Variants in MZT1 observed in about 807,000 individuals in gnomAD.
MZT1 encodes the protein mitotic spindle organizing protein 1.
Under a neutral mutation model 8.5 loss-of-function variants are expected in MZT1, and 8 were observed. The observed-to-expected ratio is 0.94, with a 90% CI of 0.55 to 1.70. MZT1 has a LOEUF of 1.70. Among genes scored for constraint, MZT1 ranks in the 40% most tolerant of loss-of-function variants. The probability of loss-of-function intolerance (pLI) is 0.00; values close to 1 mark genes in which losing one functional copy is unlikely to be tolerated. For synonymous variants in MZT1, 38 were observed against 42.0 expected, an observed-to-expected ratio of 0.90 and a Z score of 0.37; for missense variants, 93 against 108.6, an observed-to-expected ratio of 0.86 and a Z score of 0.64.
chr13:72,725,898 TAC>T (rs1281885730), intron 1 of MZT1, among the ~76,000 whole-genome samples: 1 of 152,156 alleles, frequency 6.6e-6, no homozygotes, highest in Non-Finnish European at 1.5e-5. Context: ...TATATTTATA[TAC>T]ACACACATAT....
intron 2 of MZT1, among the ~76,000 whole-genome samples, chr13:72,711,170 GAAA>G (rs1474031429): frequency 6.6e-6 from 1 of 152,142 alleles, no homozygotes; most frequent in Non-Finnish European, 1.5e-5. Context: ...GAAGATACAG[GAAA>G]GTAGGTTTTG....
At chr13:72,724,921 G>A (rs565621316) in intron 1 of MZT1, among the ~76,000 whole-genome samples, 4 of 148,306 alleles carry the variant, frequency 2.7e-5, no homozygotes, top group South Asian at 4.3e-4. Context: ...GCGTGGTGGC[G>A]GGCGCCTATA....
intron 2 of MZT1, among the ~76,000 whole-genome samples, chr13:72,717,842 AACATTC>A (rs376593493): frequency 6.6e-6 from 1 of 152,290 alleles, no homozygotes; most frequent in East Asian, 1.9e-4. Context: ...GAATTGCCTC[AACATTC>A]ACAGTTCTAC....
chr13:72,714,255 A>G (rs1331613211), intron 2 of MZT1, among the ~76,000 whole-genome samples: 1 of 152,212 alleles, frequency 6.6e-6, no homozygotes, highest in Non-Finnish European at 1.5e-5. Flanking sequence ...GAAATTTCTA[A>G]GCAGCCAAGT....
At chr13:72,715,371 G>A (rs2032525030) in intron 2 of MZT1, among the ~76,000 whole-genome samples, 1 of 152,158 alleles carries the variant, frequency 6.6e-6, no homozygotes, top group Non-Finnish European at 1.5e-5. Flanking sequence ...GCTCATAGGT[G>A]GAAGGGACTT....
intron 2 of MZT1, among the ~76,000 whole-genome samples, chr13:72,717,017 T>C (rs2032542123): frequency 6.6e-6 from 1 of 152,196 alleles, no homozygotes; most frequent in East Asian, 1.9e-4. Flanking sequence ...TGGCAGTGTT[T>C]GTGTTGAGAT....
At chr13:72,720,859 G>T (rs1436119025) in intron 1 of MZT1, among the ~76,000 whole-genome samples, 1 of 152,054 alleles carries the variant, frequency 6.6e-6, no homozygotes, top group Non-Finnish European at 1.5e-5. Context: ...TTGCACTCCA[G>T]CCTGGGCAAC....
intron 1 of MZT1, among the ~76,000 whole-genome samples, chr13:72,724,537 G>A (rs1019655281): frequency 7.9e-6 from 1 of 125,900 alleles, no homozygotes; most frequent in Non-Finnish European, 1.7e-5. Context: ...TCTCTATAAC[G>A]TGTTTTTTTT....
At chr13:72,727,466 C>T in intron 1 of MZT1, 58 bp downstream of exon 1, 1 of 1,562,488 alleles carries the variant, frequency 6.4e-7, no homozygotes, top group Non-Finnish European at 8.8e-7. Flanking sequence ...TCATTCCCGC[C>T]TGGGGGCCTT....
intron 2 of MZT1, among the ~76,000 whole-genome samples, chr13:72,713,365 A>T (rs552960018): frequency 1.3e-5 from 2 of 152,218 alleles, no homozygotes; most frequent in South Asian, 2.1e-4. Context: ...ATCCATGGTG[A>T]ATTGTTAGTT....
chr13:72,713,769 T>C (rs552923832), intron 2 of MZT1, among the ~76,000 whole-genome samples: 187 of 152,222 alleles, frequency 1.2e-3, no homozygotes, highest in African/African-American at 4.3e-3. Flanking sequence ...TTCCTTTGAG[T>C]GTCATGTTGG....
At chr13:72,720,735 A>G (rs1184016690) in intron 1 of MZT1, among the ~76,000 whole-genome samples, 2 of 152,132 alleles carry the variant, frequency 1.3e-5, no homozygotes, top group Non-Finnish European at 2.9e-5. Flanking sequence ...CTAAAAATAC[A>G]AAATTAGCCA....
chr13:72,720,437 A>C (rs1035172223), intron 1 of MZT1, among the ~76,000 whole-genome samples: 4 of 152,220 alleles, frequency 2.6e-5, no homozygotes, highest in Non-Finnish European at 4.4e-5. Context: ...CTGTATAAAA[A>C]CTACATTATT....
At chr13:72,726,227 C>T (rs1310083306) in intron 1 of MZT1, among the ~76,000 whole-genome samples, 1 of 152,036 alleles carries the variant, frequency 6.6e-6, no homozygotes, top group African/African-American at 2.4e-5. Flanking sequence ...GTCAGGAGTT[C>T]GAGACCAACC....
intron 1 of MZT1, among the ~76,000 whole-genome samples, chr13:72,720,479 T>G (rs530469584): frequency 6.6e-6 from 1 of 152,346 alleles, no homozygotes; most frequent in Admixed American, 6.5e-5. Context: ...TTATCAATAT[T>G]TAGTCACCCA....
At position 72,710,151 on chromosome 13, in the gene MZT1, T is replaced by C. The variant is rs2032474415; in HGVS notation, c.*171A>G. On this transcript the variant is annotated 3_prime_UTR_variant, in exon 3 of 3. Transcript: ENST00000377818. ...TGTAAACACATCTGATAGTTCTCTC[T>C]GTAAGCCACTTTCCACTGATTTATA... is the stretch of plus-strand genomic sequence containing the variant. The C allele has an allele frequency of 1.6e-6, 1 of 629,390 alleles. No homozygotes were observed. Among genetic ancestry groups the C allele is most frequent in the African/African-American group, 1.9e-5 (1 of 53,688 alleles). 39.0% of individuals were successfully genotyped at this position (629,390 alleles called of 1,614,324 possible).
chr13:72,709,313 C>T lies in MZT1; in HGVS notation c.*1009G>A, dbSNP rs2032464353. 1 of 151,876 alleles carries T rather than the reference C, an allele frequency of 6.6e-6. No individual in the cohort carries two copies. Among genetic ancestry groups the T allele is most frequent in the East Asian group, 1.9e-4 (1 of 5,164 alleles). 9.4% of individuals were successfully genotyped at this position (151,876 alleles called of 1,614,324 possible). ...AGCAAGTATCCTTTGAAACACATCA[C>T]CCATCTAATAAGATTGTTTAGTTTT... On this transcript the variant is annotated 3_prime_UTR_variant, in exon 3 of 3. Transcript: ENST00000377818.
In MZT1 at chr13:72,727,577, G is replaced by A. The variant is rs1169061716; in HGVS notation, c.26C>T (p.Ala9Val). Reference sequence around the variant, plus strand: ...ATTCGCCGCCGCGGCCGCCGCCGCCGCCCCAGCACCGCTGCTACTCGCCAT... The same window carrying A: ...ATTCGCCGCCGCGGCCGCCGCCGCCACCCCAGCACCGCTGCTACTCGCCAT... MASSSGAG[A>V]AAAAAAANLN... Residue 9 changes from alanine (A) to valine (V), a missense_variant, in exon 1 of 3, where the codon GCG becomes GTG. By Grantham distance (64) the Ala-to-Val change is moderately conservative (BLOSUM62 0). Transcript: ENST00000377818. 1.3e-6 allele frequency: 2 copies of A among 1,594,212 alleles called. No individual in the cohort carries two copies. The highest frequency in any genetic ancestry group is 1.7e-6 in the Non-Finnish European group (2 of 1,166,964).
rs191564101 is a variant in MZT1, at chr13:72,709,526, C to T, written c.*796G>A. The T allele has an allele frequency of 9.9e-5, 15 of 151,766 alleles. No individual in the cohort carries two copies. Among genetic ancestry groups the T allele is most frequent in the Non-Finnish European group, 1.8e-4 (12 of 67,820 alleles). 9.4% of individuals were successfully genotyped at this position (151,766 alleles called of 1,614,324 possible). A position where few individuals can be genotyped will look rare whatever the true frequency, so the allele number is the denominator to read the frequency against. ...TTTCATTTTACAAATTTTTTTATTC[C>T]GTTATTTATAGGATATAAAACTTTA... On this transcript the variant is annotated 3_prime_UTR_variant, in exon 3 of 3. Coordinates refer to ENST00000377818, the MANE Select transcript of MZT1 (RefSeq NM_001071775.3).
Sources: allele counts gnomAD v4.1 joint callset (sites outside exome capture counted in the v4.1 genomes callset), GRCh38; gene constraint gnomAD v4.1.1; transcripts MANE v1.5; gene names NCBI Gene and HGNC (gene_info 2026-07-23, HGNC 2026-07-21).